The following EXOC4 variants were observed in gnomAD, a reference collection of about 807,000 sequenced individuals.
The protein encoded by EXOC4 is exocyst complex component 4.
EXOC4 carries 71 observed loss-of-function variants against 107.2 expected under a neutral mutation model. That is an observed-to-expected ratio of 0.66 (90% confidence interval 0.55 to 0.81). EXOC4 has a LOEUF of 0.81. Ranked by LOEUF, EXOC4 falls within the 30% of genes least tolerant of loss-of-function variation. The pLI is 0.00. For missense variants in EXOC4, 1,108 were observed against 1,189.6 expected, an observed-to-expected ratio of 0.93 and a Z score of 1.01; for synonymous variants, 456 against 441.2, an observed-to-expected ratio of 1.03 and a Z score of -0.42.
intron 14 of EXOC4, among the ~76,000 whole-genome samples, chr7:133,968,253 T>G (rs1022412115): frequency 6.6e-6 from 1 of 152,180 alleles, no homozygotes; most frequent in Non-Finnish European, 1.5e-5. Context: ...GTGAGATGGG[T>G]CTCCTGAATA....
At position 133,305,905 on chromosome 7, in the gene EXOC4, C is replaced by T. The variant is rs767742634; in HGVS notation, c.500C>T (p.Pro167Leu). ...TCAGCAGTTGAGTCTTTGGAGGGCC[C>T]CCTGCTCCAGGTGGAAGGACTGAGT... ...LVSAVESLEG[P>L]LLQVEGLSDL... The change falls in exon 4 of 18, where the codon CCC becomes CTC. Residue 167 changes from proline (P) to leucine (L), a missense_variant. Pro to Leu is a moderately conservative substitution (Grantham distance 98). Coordinates refer to ENST00000253861, the MANE Select transcript of EXOC4 (RefSeq NM_021807.4). 1 of 1,609,228 alleles carries T rather than the reference C, an allele frequency of 6.2e-7. No individual in the cohort carries two copies. Among genetic ancestry groups the T allele is most frequent in the Non-Finnish European group, 8.5e-7 (1 of 1,177,798 alleles).
At chr7:133,284,601 G>A (rs1326253231) in intron 2 of EXOC4, among the ~76,000 whole-genome samples, 3 of 151,986 alleles carry the variant, frequency 2.0e-5, no homozygotes, top group African/African-American at 7.3e-5. Context: ...GCCCGATCTC[G>A]GCTCACTGCA....
intron 10 of EXOC4, among the ~76,000 whole-genome samples, chr7:133,736,656 A>G (rs1440534599): frequency 2.0e-5 from 3 of 152,100 alleles, no homozygotes; most frequent in South Asian, 4.2e-4. Context: ...TTATCCTCCC[A>G]CCTTTCTGAC....
chr7:133,504,195 C>T (rs926826221), intron 9 of EXOC4, among the ~76,000 whole-genome samples: 1 of 151,938 alleles, frequency 6.6e-6, no homozygotes, highest in Non-Finnish European at 1.5e-5. Flanking sequence ...TGCTTAGTAA[C>T]ATTTAATATT....
chr7:133,819,698 C>T lies in EXOC4; in HGVS notation c.1734+2154C>T, dbSNP rs371814258. Among the ~76,000 whole-genome samples the T allele has an allele frequency of 9.2e-5, 14 of 152,136 alleles. 1 individual carries two copies. The East Asian group carries it at 1.5e-3, about 17-fold the overall frequency. On this transcript the variant is annotated intron_variant, in intron 11 of 17. Coordinates refer to ENST00000253861, the MANE Select transcript of EXOC4 (RefSeq NM_021807.4). Reference sequence around the variant, plus strand: ...CAGTATTTATTTCTCTGAAGTGTCACGCTATATGCCATACAGAGCAACTTG... The same window carrying T: ...CAGTATTTATTTCTCTGAAGTGTCATGCTATATGCCATACAGAGCAACTTG...
intron 9 of EXOC4, among the ~76,000 whole-genome samples, chr7:133,488,203 T>C (rs1799306099): frequency 1.3e-5 from 2 of 152,182 alleles, no homozygotes; most frequent in African/African-American, 2.4e-5. Flanking sequence ...TCAGAAGAAA[T>C]TTATGTAAAC....
chr7:133,798,000 G>A (rs1796852160), intron 10 of EXOC4, among the ~76,000 whole-genome samples: 1 of 152,228 alleles, frequency 6.6e-6, no homozygotes, highest in Non-Finnish European at 1.5e-5. Context: ...TCTTAAGAAG[G>A]TGATGTATGT....
rs138538746 is a variant in EXOC4, at chr7:133,258,866, G to A, written c.86+5679G>A. On this transcript the variant is annotated intron_variant, in intron 1 of 17. Coordinates refer to ENST00000253861, the MANE Select transcript of EXOC4 (RefSeq NM_021807.4). ...AATGCATGTATGGTTATGTGTGTAT[G>A]TAAAACATGTAAAATATAAACACAC... 6.2e-3 allele frequency among the ~76,000 whole-genome samples: 946 copies of A among 152,226 alleles called. 9 individuals carry two copies. The highest frequency in any genetic ancestry group is 0.022 in the African/African-American group (904 of 41,540).
Position 133,545,212 on chromosome 7 carries a change from T to C in EXOC4, c.1417+65074T>C, listed in dbSNP as rs141297021. 1.2e-4 allele frequency among the ~76,000 whole-genome samples: 18 copies of C among 152,260 alleles called. No individual in the cohort carries two copies. In the East Asian group the frequency reaches 3.1e-3, roughly 26 times the overall value. ...GTTAGTATCATTAAGAAATGAAATG[T>C]CTCTCAAAAGTTAATTTTCCAGATA... On this transcript the variant is annotated intron_variant, in intron 9 of 17. Coordinates refer to ENST00000253861, the MANE Select transcript of EXOC4 (RefSeq NM_021807.4).
At chr7:133,698,451 G>A (rs892330504) in intron 10 of EXOC4, among the ~76,000 whole-genome samples, 6 of 151,776 alleles carry the variant, frequency 4.0e-5, no homozygotes, top group Non-Finnish European at 5.9e-5. Context: ...GTGTAGTGGC[G>A]CCCGCCTTTA....
chr7:133,315,019 A>C (rs996168697), intron 4 of EXOC4: 4 of 152,944 alleles, frequency 2.6e-5, no homozygotes, highest in Non-Finnish European at 5.8e-5. Flanking sequence ...GAAGAACCCC[A>C]GGATTTTCTC....
intron 10 of EXOC4, among the ~76,000 whole-genome samples, chr7:133,670,294 T>C (rs1341729362): frequency 6.6e-6 from 1 of 152,212 alleles, no homozygotes; most frequent in Non-Finnish European, 1.5e-5. Context: ...ACTTGTTTCC[T>C]CACTTGTACG....
intron 9 of EXOC4, among the ~76,000 whole-genome samples, chr7:133,593,735 G>A (rs17167160): frequency 0.1 from 15,606 of 152,068 alleles, 914 homozygotes; most frequent in East Asian, 0.2. Context: ...CTACATTTTT[G>A]GAAGAGTGTT....
intron 9 of EXOC4, among the ~76,000 whole-genome samples, chr7:133,500,070 G>A (rs1799548953): frequency 6.6e-6 from 1 of 152,110 alleles, no homozygotes; most frequent in East Asian, 1.9e-4. Context: ...GGACAAAGAT[G>A]TTACATAATA....
intron 9 of EXOC4, among the ~76,000 whole-genome samples, chr7:133,615,251 C>T (rs889955683): frequency 6.6e-6 from 1 of 151,884 alleles, no homozygotes; most frequent in African/African-American, 2.4e-5. Context: ...GCAAGACCAA[C>T]CCCTCCTCTT....
At chr7:133,688,921 A>G (rs986532817) in intron 10 of EXOC4, among the ~76,000 whole-genome samples, 30 of 152,356 alleles carry the variant, frequency 2.0e-4, no homozygotes, top group African/African-American at 6.5e-4. Context: ...GCTTCTTGCC[A>G]TAGGTACATT....
At chr7:133,677,143 G>A (rs1794080989) in intron 10 of EXOC4, among the ~76,000 whole-genome samples, 1 of 152,066 alleles carries the variant, frequency 6.6e-6, no homozygotes, top group Non-Finnish European at 1.5e-5. Context: ...TAGTGGTTTA[G>A]TAATTCTTAG....
intron 6 of EXOC4, among the ~76,000 whole-genome samples, chr7:133,373,073 T>C (rs954749176): frequency 6.6e-6 from 1 of 152,210 alleles, no homozygotes; most frequent in East Asian, 1.9e-4. Flanking sequence ...GATAAATCTT[T>C]GTTGGAAAAG....
intron 7 of EXOC4, among the ~76,000 whole-genome samples, chr7:133,423,406 T>C (rs568274779): frequency 2.0e-4 from 30 of 152,332 alleles, no homozygotes; most frequent in Middle Eastern, 3.4e-3. Flanking sequence ...GTCCTCACTT[T>C]AGGTAAGCAA....
Sources: gnomAD v4.1 joint callset for allele counts (sites outside exome capture counted in the v4.1 genomes callset) on GRCh38, gnomAD v4.1.1 for gene constraint, MANE v1.5 for transcripts, NCBI Gene and HGNC (gene_info 2026-07-23, HGNC 2026-07-21) for gene names.